The following CNN3 variants were observed in gnomAD, a reference collection of about 807,000 sequenced individuals.
The protein encoded by CNN3 is calponin 3.
Under a neutral mutation model 39.0 loss-of-function variants are expected in CNN3, and 11 were observed. That is an observed-to-expected ratio of 0.28 (90% CI 0.18 to 0.47). The LOEUF (loss-of-function observed/expected upper bound fraction) is 0.47, where lower values mean the gene tolerates loss of function less well. Among genes scored for constraint, CNN3 ranks in the 20% least tolerant of loss-of-function variants. The pLI, the probability that CNN3 is intolerant of heterozygous loss-of-function variation, is 0.99. For missense variants in CNN3, 266 were observed against 403.4 expected (o/e 0.66, Z 2.92); for synonymous variants, 101 against 138.3 (o/e 0.73, Z 1.89).
chr1:94,921,449 A>G (rs909675705), intron 1 of CNN3, among the ~76,000 whole-genome samples: 1 of 152,138 alleles, frequency 6.6e-6, no homozygotes, highest in African/African-American at 2.4e-5. Flanking sequence ...CCTGAATACA[A>G]TGCTAATGAT....
At chr1:94,899,283 A>C in intron 6 of CNN3, 88 bp downstream of exon 6, 1 of 1,386,478 alleles carries the variant, frequency 7.2e-7, no homozygotes, top group South Asian at 1.5e-5. Flanking sequence ...CTCTAAATAA[A>C]CTATACAAAA....
chr1:94,923,825 A>C (rs1035600257), intron 1 of CNN3, among the ~76,000 whole-genome samples: 1 of 152,222 alleles, frequency 6.6e-6, no homozygotes, highest in Non-Finnish European at 1.5e-5. Flanking sequence ...ACAGTCACTG[A>C]GTTGAGTATA....
chr1:94,922,431 T>C (rs1359882140), intron 1 of CNN3, among the ~76,000 whole-genome samples: 2 of 152,226 alleles, frequency 1.3e-5, no homozygotes, highest in Non-Finnish European at 2.9e-5. Context: ...TTATTGAGCA[T>C]ATGCTATGTG....
intron 1 of CNN3, among the ~76,000 whole-genome samples, chr1:94,918,978 A>G (rs1227803567): frequency 6.6e-6 from 1 of 152,118 alleles, no homozygotes; most frequent in Non-Finnish European, 1.5e-5. Context: ...CCATATGAAG[A>G]CCAACCTCCT....
intron 1 of CNN3, among the ~76,000 whole-genome samples, chr1:94,912,735 G>A (rs752066756): frequency 4.6e-5 from 7 of 152,184 alleles, no homozygotes; most frequent in African/African-American, 7.2e-5. Flanking sequence ...ATCTTGTTTC[G>A]GAAAGGCATC....
Position 94,897,665 on chromosome 1 carries a change from T to TA in CNN3, c.*76dup, listed in dbSNP as rs1428213593. ...TTAATAGTGTTTTAGGAAGACAAGA[T>TA]AAAAATTACTCAAGGCTAGCTTGGT... On this transcript the variant is annotated 3_prime_UTR_variant, in exon 7 of 7. Coordinates refer to ENST00000370206, the MANE Select transcript of CNN3 (RefSeq NM_001839.5). The TA allele has an allele frequency of 2.9e-5, 39 of 1,332,628 alleles. No individual in the cohort carries two copies. Among genetic ancestry groups the TA allele is most frequent in the Non-Finnish European group, 4.0e-5 (38 of 957,676 alleles). The allele number at this position is 1,332,628 out of a possible 1,614,324, so 82.6% of individuals were successfully genotyped here.
In CNN3 at chr1:94,897,428, A is replaced by G; in HGVS notation, c.*314T>C. The G allele has an allele frequency of 9.3e-6, 2 of 214,924 alleles. No homozygotes were observed. The highest frequency in any genetic ancestry group is 1.9e-5 in the Non-Finnish European group (2 of 107,720). 13.3% of individuals were successfully genotyped at this position (214,924 alleles called of 1,614,324 possible). On this transcript the variant is annotated 3_prime_UTR_variant, in exon 7 of 7. Transcript: ENST00000370206. ...TTGTTTGAAAATACCAGTTTAATAT[A>G]AGATTGTAAAAATGCATAGATTTTT... is the stretch of plus-strand genomic sequence containing the variant.
chr1:94,908,976 CT>C (rs1467988786), intron 1 of CNN3, among the ~76,000 whole-genome samples: 1 of 58,612 alleles, frequency 1.7e-5, no homozygotes. Context: ...GAGCCCGTCT[CT>C]TTAAAAAAAA....
chr1:94,920,210 C>A (rs1050988892), intron 1 of CNN3, among the ~76,000 whole-genome samples: 1 of 152,168 alleles, frequency 6.6e-6, no homozygotes, highest in Non-Finnish European at 1.5e-5. Flanking sequence ...TGCAGATCTA[C>A]AGACCTGGTG....
At chr1:94,917,313 C>G in intron 1 of CNN3, among the ~76,000 whole-genome samples, 1 of 152,216 alleles carries the variant, frequency 6.6e-6, no homozygotes, top group Non-Finnish European at 1.5e-5. Context: ...GTTAGGATTA[C>G]AGGCGTGAGC....
intron 2 of CNN3, 106 bp from the exon 3 acceptor site, chr1:94,903,294 A>G: frequency 6.5e-7 from 1 of 1,547,334 alleles, no homozygotes; most frequent in Non-Finnish European, 8.7e-7. Context: ...CATTAAAGAT[A>G]TCTGTAGAAT....
intron 1 of CNN3, among the ~76,000 whole-genome samples, chr1:94,914,518 G>A (rs896162993): frequency 5.9e-5 from 9 of 152,112 alleles, no homozygotes; most frequent in African/African-American, 1.7e-4. Context: ...AAACTGAGTC[G>A]AAACACCACG....
At chr1:94,901,119 C>T (rs376110035) in intron 5 of CNN3, among the ~76,000 whole-genome samples, 1 of 151,896 alleles carries the variant, frequency 6.6e-6, no homozygotes, top group Non-Finnish European at 1.5e-5. Context: ...TTTGGGAGGC[C>T]GAGGTGGGCA....
chr1:94,914,489 C>T (rs1671235714), intron 1 of CNN3, among the ~76,000 whole-genome samples: 1 of 152,208 alleles, frequency 6.6e-6, no homozygotes, highest in Non-Finnish European at 1.5e-5. Flanking sequence ...CATCCCCATG[C>T]TCCCATCTGC....
chr1:94,921,607 T>TG (rs71280946), intron 1 of CNN3, among the ~76,000 whole-genome samples: 11,709 of 141,124 alleles, frequency 0.083, 554 homozygotes, highest in Non-Finnish European at 0.099. Flanking sequence ...AAACAGGCAC[T>TG]GGGGAAAAAA....
intron 1 of CNN3, among the ~76,000 whole-genome samples, chr1:94,914,248 G>A (rs935017987): frequency 2.6e-5 from 4 of 152,036 alleles, no homozygotes; most frequent in African/African-American, 9.7e-5. Flanking sequence ...TTTCCATAAC[G>A]ACAAGGCACA....
At chr1:94,902,294 A>G in intron 3 of CNN3, 36 bp from the exon 4 acceptor site, 1 of 1,552,696 alleles carries the variant, frequency 6.4e-7, no homozygotes, top group South Asian at 1.1e-5. Context: ...TTCTGGAGCT[A>G]AATATTGACA....
At chr1:94,914,028 G>C (rs960944780) in intron 1 of CNN3, among the ~76,000 whole-genome samples, 15 of 152,102 alleles carry the variant, frequency 9.9e-5, no homozygotes, top group Non-Finnish European at 1.8e-4. Context: ...AAAAAGAGGT[G>C]AAAATAGAGA....
In CNN3 at chr1:94,897,613, G is replaced by A. The variant is rs1670758640; in HGVS notation, c.*129C>T. ...AAAAGGAAAAAGGAATGTACGTAAG[G>A]CAATTTTTCTTAAAAGTACAATAAG... On this transcript the variant is annotated 3_prime_UTR_variant, in exon 7 of 7. Coordinates refer to ENST00000370206, the MANE Select transcript of CNN3 (RefSeq NM_001839.5). 5 of 822,618 alleles carry A rather than the reference G, an allele frequency of 6.1e-6. No individual in the cohort carries two copies. Among genetic ancestry groups the A allele is most frequent in the Non-Finnish European group, 9.4e-6 (5 of 531,758 alleles). 51.0% of individuals were successfully genotyped at this position (822,618 alleles called of 1,614,324 possible). A position where few individuals can be genotyped will look rare whatever the true frequency, so the allele number is the denominator to read the frequency against.
Sources: allele counts gnomAD v4.1 joint callset (sites outside exome capture counted in the v4.1 genomes callset), GRCh38; gene constraint gnomAD v4.1.1; transcripts MANE v1.5; gene names NCBI Gene and HGNC (gene_info 2026-07-23, HGNC 2026-07-21).